Variants in ARHGAP24 observed in about 807,000 individuals in gnomAD.
ARHGAP24 encodes the protein Rho GTPase activating protein 24, also known as rho GTPase-activating protein 24.
Under a neutral mutation model 76.4 loss-of-function variants are expected in ARHGAP24, and 50 were observed. That is an observed-to-expected ratio of 0.65 (90% CI 0.52 to 0.83). ARHGAP24 has a LOEUF of 0.83. ARHGAP24 is among the 40% of genes least tolerant of loss of function. The pLI, the probability that ARHGAP24 is intolerant of heterozygous loss-of-function variation, is 0.00. For synonymous variants in ARHGAP24, 345 were observed against 323.3 expected (o/e 1.07, Z -0.72); for missense variants, 930 against 914.2 (o/e 1.02, Z -0.22).
At chr4:85,887,352 T>G (rs1047194408) in intron 3 of ARHGAP24, among the ~76,000 whole-genome samples, 4 of 152,240 alleles carry the variant, frequency 2.6e-5, no homozygotes, top group African/African-American at 9.6e-5. Context: ...TTAATTATAT[T>G]TAAAATATGT....
intron 2 of ARHGAP24, among the ~76,000 whole-genome samples, chr4:85,620,325 C>G (rs1006744646): frequency 6.6e-6 from 1 of 151,838 alleles, no homozygotes; most frequent in Non-Finnish European, 1.5e-5. Context: ...GATTAAATCT[C>G]TTTACTCATT....
Position 85,945,125 on chromosome 4 carries a change from C to T in ARHGAP24, c.599+2852C>T, listed in dbSNP as rs924205331. Among the ~76,000 whole-genome samples, 5 of 152,088 alleles carry T rather than the reference C, an allele frequency of 3.3e-5. No homozygotes were observed. The South Asian group carries it at 8.3e-4, about 25-fold the overall frequency. ...CCTCCCAAAGTGCTGGGATTATAGG[C>T]GTGAGCCACCGCACCCGACCTTTTT... On this transcript the variant is annotated intron_variant, in intron 5 of 9. Transcript: ENST00000395184.
At chr4:85,850,659 C>T (rs181686704) in intron 3 of ARHGAP24, among the ~76,000 whole-genome samples, 74 of 152,262 alleles carry the variant, frequency 4.9e-4, no homozygotes, top group African/African-American at 1.7e-3. Flanking sequence ...TCTTTGTTCT[C>T]ATTGGTTTCA....
At chr4:85,726,894 C>T (rs776763677) in intron 3 of ARHGAP24, among the ~76,000 whole-genome samples, 2 of 152,114 alleles carry the variant, frequency 1.3e-5, no homozygotes, top group South Asian at 2.1e-4. Flanking sequence ...CTGGGCCAGG[C>T]GCTGTGGCTC....
chr4:85,660,176 C>T (rs1354463784), intron 2 of ARHGAP24, among the ~76,000 whole-genome samples: 2 of 152,176 alleles, frequency 1.3e-5, no homozygotes, highest in Admixed American at 1.3e-4. Flanking sequence ...CTTATTCCCT[C>T]CTTACCTATA....
intron 3 of ARHGAP24, among the ~76,000 whole-genome samples, chr4:85,842,669 TA>T (rs1195185743): frequency 6.6e-6 from 1 of 152,216 alleles, no homozygotes; most frequent in African/African-American, 2.4e-5. Context: ...TGGCAAAAAT[TA>T]GTCAACATTG....
Position 85,942,199 on chromosome 4 carries a change from A to C in ARHGAP24, c.525A>C (p.Arg175=), listed in dbSNP as rs140938117. 770 of 1,613,958 alleles carry C rather than the reference A, an allele frequency of 4.8e-4. 1 individual carries two copies. The highest frequency in any genetic ancestry group is 5.0e-4 in the Non-Finnish European group (595 of 1,180,006). The change falls in exon 5 of 10, where the codon CGA becomes CGC. Residue 175 remains arginine (R), a synonymous_variant. Transcript: ENST00000395184. The part of the protein sequence containing the change: ...QRGLKEEGLF[R]LPGQANLVKE... ...GGCTGAAAGAAGAGGGTCTCTTTCG[A>C]CTGCCAGGCCAGGCTAATCTTGTTA...
rs1740536605 is a variant in ARHGAP24 at position 85,994,662 on chromosome 4, A to G, written c.1008A>G (p.Gln336=). The G allele has an allele frequency of 6.2e-7, 1 of 1,614,206 alleles. No homozygotes were observed. The highest frequency in any genetic ancestry group is 1.3e-5 in the African/African-American group (1 of 75,056). ...DCLFPKDAEL[Q]SKPQDGVSNN... The stretch of plus-strand genomic sequence containing the variant: ...TCTTTCCCAAAGATGCAGAACTACA[A>G]AGCAAGCCCCAAGATGGAGTGAGCA... Residue 336 remains glutamine (Q), a synonymous_variant, in exon 9 of 10, where the codon CAA becomes CAG. Transcript: ENST00000395184.
intron 4 of ARHGAP24, among the ~76,000 whole-genome samples, chr4:85,933,594 G>A (rs903857087): frequency 2.0e-5 from 3 of 152,150 alleles, no homozygotes; most frequent in African/African-American, 2.4e-5. Context: ...CAGGAAGCTC[G>A]GGATTGTGGT....
At chr4:85,771,382 A>C (rs1171368281) in intron 3 of ARHGAP24, among the ~76,000 whole-genome samples, 1 of 152,238 alleles carries the variant, frequency 6.6e-6, no homozygotes, top group Non-Finnish European at 1.5e-5. Flanking sequence ...GAGAAAATAA[A>C]TGTCCCAGCA....
intron 2 of ARHGAP24, among the ~76,000 whole-genome samples, chr4:85,634,809 C>A (rs1366074214): frequency 6.6e-6 from 1 of 151,842 alleles, no homozygotes; most frequent in Non-Finnish European, 1.5e-5. Context: ...AGAATTATTG[C>A]CACCCTTTGA....
At chr4:85,821,640 C>G (rs1729476449) in intron 3 of ARHGAP24, among the ~76,000 whole-genome samples, 5 of 152,214 alleles carry the variant, frequency 3.3e-5, no homozygotes, top group Admixed American at 2.6e-4. Context: ...CTGCCTCGTC[C>G]TCTTAAAATG....
intron 3 of ARHGAP24, among the ~76,000 whole-genome samples, chr4:85,781,874 A>C (rs1727572331): frequency 6.6e-6 from 1 of 151,684 alleles, no homozygotes; most frequent in South Asian, 2.1e-4. Context: ...TCTCTACTAC[A>C]AAAAATAAAA....
At chr4:85,482,269 T>C (rs908745928) in intron 1 of ARHGAP24, among the ~76,000 whole-genome samples, 7 of 152,256 alleles carry the variant, frequency 4.6e-5, no homozygotes, top group African/African-American at 1.7e-4. Flanking sequence ...GATGATTTTA[T>C]ATAACATCAT....
intron 2 of ARHGAP24, among the ~76,000 whole-genome samples, chr4:85,677,988 T>C (rs1382363872): frequency 6.6e-6 from 1 of 151,684 alleles, no homozygotes; most frequent in Non-Finnish European, 1.5e-5. Context: ...TGTAGTGAAC[T>C]GTGATTGTAC....
intron 3 of ARHGAP24, among the ~76,000 whole-genome samples, chr4:85,778,144 T>C (rs1727377821): frequency 6.6e-6 from 1 of 152,196 alleles, no homozygotes; most frequent in African/African-American, 2.4e-5. Flanking sequence ...TAAGGACTAA[T>C]AAATGTTAGC....
intron 3 of ARHGAP24, among the ~76,000 whole-genome samples, chr4:85,751,749 G>A (rs1202339867): frequency 2.6e-5 from 4 of 152,174 alleles, no homozygotes; most frequent in African/African-American, 9.7e-5. Flanking sequence ...AATCCCTCAA[G>A]TTTGGATGAA....
At chr4:85,701,261 C>T (rs1714907949) in intron 2 of ARHGAP24, among the ~76,000 whole-genome samples, 1 of 152,078 alleles carries the variant, frequency 6.6e-6, no homozygotes, top group African/African-American at 2.4e-5. Flanking sequence ...TATTCCTTGC[C>T]TCATAGCCTT....
chr4:85,973,486 C>T (rs1242588049), intron 6 of ARHGAP24, among the ~76,000 whole-genome samples: 1 of 152,104 alleles, frequency 6.6e-6, no homozygotes, highest in East Asian at 1.9e-4. Context: ...GTTGTCTCTT[C>T]ATTTTATTGA....
Sources: gnomAD v4.1 joint callset for allele counts (sites outside exome capture counted in the v4.1 genomes callset) on GRCh38, gnomAD v4.1.1 for gene constraint, MANE v1.5 for transcripts, NCBI Gene and HGNC (gene_info 2026-07-23, HGNC 2026-07-21) for gene names.